SCARB2: variants seen among roughly 807,000 people sequenced by gnomAD.
SCARB2 encodes the protein lysosome membrane protein 2.
Under a neutral mutation model 58.6 loss-of-function variants are expected in SCARB2, and 29 were observed. That is an observed-to-expected ratio of 0.49 (90% CI 0.37 to 0.67). The LOEUF (loss-of-function observed/expected upper bound fraction) is 0.67, where lower values mean the gene tolerates loss of function less well. Among genes scored for constraint, SCARB2 ranks in the 30% least tolerant of loss-of-function variants. The pLI, the probability that SCARB2 is intolerant of heterozygous loss-of-function variation, is 0.00. For missense variants in SCARB2, 488 were observed against 578.5 expected, an observed-to-expected ratio of 0.84 and a Z score of 1.60; for synonymous variants, 195 against 210.1, an observed-to-expected ratio of 0.93 and a Z score of 0.62.
chr4:76,179,131 G>A (rs1227433759), intron 4 of SCARB2: 2 of 251,762 alleles, frequency 7.9e-6, no homozygotes, highest in Non-Finnish European at 1.6e-5. Context: ...TCAGCTCACT[G>A]CAACCTCTGC....
chr4:76,193,875 G>C (rs1272707339), intron 2 of SCARB2: 1 of 152,222 alleles, frequency 6.6e-6, no homozygotes, highest in African/African-American at 2.4e-5. Context: ...ATGTGAGAAG[G>C]ACATGAAATT....
chr4:76,210,470 G>A (rs541924905), intron 1 of SCARB2, among the ~76,000 whole-genome samples: 11 of 152,328 alleles, frequency 7.2e-5, no homozygotes, highest in South Asian at 4.1e-4. Flanking sequence ...GAAATGTAAC[G>A]TAAACTCCTG....
chr4:76,213,001 T>C (rs1733090590), intron 1 of SCARB2: 2 of 274,668 alleles, frequency 7.3e-6, no homozygotes, highest in South Asian at 7.1e-5. Flanking sequence ...CCACGTCTCA[T>C]CCCCAGGCGC....
intron 1 of SCARB2, among the ~76,000 whole-genome samples, chr4:76,233,861 TG>T (rs71212406): frequency 0.13 from 19,570 of 151,792 alleles, 1,560 homozygotes; most frequent in East Asian, 0.34. Context: ...GATAGTTGGT[TG>T]GGGGGGGCTT....
intron 2 of SCARB2, among the ~76,000 whole-genome samples, chr4:76,189,449 G>A (rs1199881554): frequency 6.7e-6 from 1 of 150,072 alleles, no homozygotes; most frequent in Non-Finnish European, 1.5e-5. Flanking sequence ...AAGGAGAAGT[G>A]CCCAGCAAAA....
chr4:76,189,876 C>G (rs114698429), intron 2 of SCARB2, among the ~76,000 whole-genome samples: 13 of 152,084 alleles, frequency 8.5e-5, no homozygotes, highest in Admixed American at 8.5e-4. Flanking sequence ...GATTAAATTA[C>G]CCCCCTGGGT....
rs190362739 is a variant in SCARB2, at chr4:76,195,871, A to G, written c.118-7T>C. On this transcript the variant is annotated splice_region_variant and splice_polypyrimidine_tract_variant and intron_variant, in intron 1 of 11. Coordinates refer to ENST00000264896, the MANE Select transcript of SCARB2 (RefSeq NM_005506.4). Reference sequence around the variant, plus strand: ...CATTCCTTAACACAATTTTCTAGGAAAAAACCAAAAGGAGATTTACAAAAA... The same window carrying G: ...CATTCCTTAACACAATTTTCTAGGAGAAAACCAAAAGGAGATTTACAAAAA... 8 of 1,606,294 alleles carry G rather than the reference A, an allele frequency of 5.0e-6. No individual in the cohort carries two copies. In the Admixed American group the frequency reaches 1.0e-4, roughly 21 times the overall value.
At chr4:76,199,317 C>T (rs1732781238) in intron 1 of SCARB2, among the ~76,000 whole-genome samples, 1 of 152,106 alleles carries the variant, frequency 6.6e-6, no homozygotes. Context: ...CCTGGGATAC[C>T]CAGTTAAATT....
In SCARB2 at chr4:76,177,978, A is replaced by C. The variant is rs373270501; in HGVS notation, c.613-1450T>G. ...GTAATGGTTGCACAACCTTGTGACT[A>C]TACTAAGGACTACTGAATTGTACAT... is the stretch of plus-strand genomic sequence containing the variant. On this transcript the variant is annotated intron_variant, in intron 4 of 11. Coordinates refer to ENST00000264896, the MANE Select transcript of SCARB2 (RefSeq NM_005506.4). Among the ~76,000 whole-genome samples the C allele has an allele frequency of 1.2e-4, 18 of 152,316 alleles. No homozygotes were observed. The South Asian group carries it at 3.1e-3, about 26-fold the overall frequency.
chr4:76,162,920 A>T, intron 11 of SCARB2: 2 of 572,522 alleles, frequency 3.5e-6, no homozygotes, highest in Non-Finnish European at 3.1e-6. Context: ...TGTAACTGTT[A>T]TATATTCTTC....
In SCARB2 at chr4:76,163,515, CATTTAT is replaced by C. The variant is rs558536227; in HGVS notation, c.1240-138_1240-133del. ...TAGCAAACCAAACATACTGAAAATC[CATTTAT>C]AAGTCAGAGTAATCAGAAGGGACAT... is the stretch of plus-strand genomic sequence containing the variant. On this transcript the variant is annotated intron_variant, in intron 10 of 11. Coordinates refer to ENST00000264896, the MANE Select transcript of SCARB2 (RefSeq NM_005506.4). 112 of 917,330 alleles carry C rather than the reference CATTTAT, an allele frequency of 1.2e-4. No homozygotes were observed. In the African/African-American group the frequency reaches 1.7e-3, roughly 14 times the overall value. 56.8% of individuals were successfully genotyped at this position (917,330 alleles called of 1,614,324 possible). A position where few individuals can be genotyped will look rare whatever the true frequency, so the allele number is the denominator to read the frequency against.
chr4:76,178,025 G>A (rs756286095), intron 4 of SCARB2, among the ~76,000 whole-genome samples: 15 of 152,188 alleles, frequency 9.9e-5, no homozygotes, highest in Non-Finnish European at 1.9e-4. Context: ...AAATGTTATA[G>A]TAAGTGAATT....
chr4:76,174,091 C>A, intron 7 of SCARB2, 53 bp downstream of exon 7: 1 of 1,606,660 alleles, frequency 6.2e-7, no homozygotes, highest in South Asian at 1.1e-5. Context: ...TGTTGAACTC[C>A]AATCCTTCTG....
chr4:76,201,128 A>G (rs1732820924), intron 1 of SCARB2, among the ~76,000 whole-genome samples: 1 of 152,114 alleles, frequency 6.6e-6, no homozygotes, highest in Non-Finnish European at 1.5e-5. Context: ...ACTGTTACCT[A>G]GCACCCACCA....
intron 2 of SCARB2, 90 bp downstream of exon 2, chr4:76,195,617 T>TCCAA: frequency 9.0e-7 from 1 of 1,116,616 alleles, no homozygotes; most frequent in South Asian, 1.2e-5. Context: ...CACACAGCCC[T>TCCAA]GGAGCCTTGC....
At chr4:76,215,244 T>C (rs1465086843), upstream of SCARB2, among the ~76,000 whole-genome samples, 2 of 152,236 alleles carry the variant, frequency 1.3e-5, no homozygotes, top group Non-Finnish European at 2.9e-5. Context: ...TTGGCAACTA[T>C]AGTGTATTAT....
At chr4:76,174,358 T>C in intron 6 of SCARB2, 45 bp from the exon 7 acceptor site, 2 of 1,592,268 alleles carry the variant, frequency 1.3e-6, no homozygotes, top group Non-Finnish European at 1.7e-6. Context: ...CTCTGGTCAG[T>C]GTAATCTGCC....
intron 8 of SCARB2, 109 bp from the exon 9 acceptor site, chr4:76,168,585 C>T: frequency 1.2e-6 from 1 of 866,714 alleles, no homozygotes. Context: ...GTGACCATTA[C>T]CATGTGTGAC....
intron 11 of SCARB2, 55 bp from the exon 12 acceptor site, chr4:76,161,806 C>A (rs1046548341): frequency 5.0e-6 from 8 of 1,595,962 alleles, no homozygotes; most frequent in Admixed American, 1.7e-5. Context: ...AACTTCTCCC[C>A]AGTGTGAAAA....
Sources: allele counts gnomAD v4.1 joint callset (sites outside exome capture counted in the v4.1 genomes callset), GRCh38; gene constraint gnomAD v4.1.1; transcripts MANE v1.5; gene names NCBI Gene and HGNC (gene_info 2026-07-23, HGNC 2026-07-21).